Variants in USP17L12 observed in about 807,000 individuals in gnomAD.
USP17L12 encodes ubiquitin carboxyl-terminal hydrolase 17-like protein 12.
At position 9,220,157 on chromosome 4, in the gene USP17L12, GGAA is replaced by G. The variant is rs1364440768; in HGVS notation, c.9_11del (p.Glu3del). On this transcript the variant is annotated inframe_deletion, in exon 1 of 1. Transcript: ENST00000415041. ...TGATCCTTGTTCCAGTCGACATGGA[GGAA>G]GACTCACTCTACTTGGGAGGTGAGT... 1 of 7,368 alleles carries G rather than the reference GGAA, an allele frequency of 1.4e-4. No individual in the cohort carries two copies. Among genetic ancestry groups the G allele is most frequent in the Admixed American group, 1.0e-3 (1 of 954 alleles). 0.5% of individuals were successfully genotyped at this position (7,368 alleles called of 1,614,324 possible). A position where few individuals can be genotyped will look rare whatever the true frequency, so the allele number is the denominator to read the frequency against.
At position 9,220,448 on chromosome 4, in the gene USP17L12, AT is replaced by A; in HGVS notation, c.298del (p.Tyr100ThrfsTer73). The A allele has an allele frequency of 2.1e-4, 2 of 9,478 alleles. No individual in the cohort carries two copies. Among genetic ancestry groups the A allele is most frequent in the Non-Finnish European group, 4.2e-4 (2 of 4,776 alleles). 0.6% of individuals were successfully genotyped at this position (9,478 alleles called of 1,614,324 possible). On this transcript the variant is annotated frameshift_variant, in exon 1 of 1. Coordinates refer to ENST00000415041, the MANE Select transcript of USP17L12 (RefSeq NM_001256853.1). LOFTEE classifies it low-confidence loss of function (END_TRUNC). Reference sequence around the variant, plus strand: ...TGAACGCTTCCTTGCAGTGCCTGACATACACACCGCCCCTTGCCAACTACAT... The same window carrying A: ...TGAACGCTTCCTTGCAGTGCCTGACAACACACCGCCCCTTGCCAACTACAT... ...YVNASLQCLTYTPPLANYMLS... is the reference protein window; with the variant it reads ...YVNASLQCLTXTPPLANYMLS...
Sources: gnomAD v4.1 joint callset for allele counts on GRCh38, gnomAD v4.1.1 for gene constraint, MANE v1.5 for transcripts, NCBI Gene and HGNC (gene_info 2026-07-23, HGNC 2026-07-21) for gene names.